The following STK32B variants were observed in gnomAD, a reference collection of about 807,000 sequenced individuals.
The protein encoded by STK32B is serine/threonine kinase 32B.
Under a neutral mutation model 52.6 loss-of-function variants are expected in STK32B, and 43 were observed. That is an observed-to-expected ratio of 0.82 (90% CI 0.64 to 1.05). The LOEUF (loss-of-function observed/expected upper bound fraction) is 1.05, where lower values mean the gene tolerates loss of function less well. Among genes scored for constraint, STK32B ranks in the 50% least tolerant of loss-of-function variants. The probability of loss-of-function intolerance (pLI) is 0.00; values close to 1 mark genes in which losing one functional copy is unlikely to be tolerated. For synonymous variants in STK32B, 238 were observed against 204.3 expected (o/e 1.17, Z -1.41); for missense variants, 621 against 534.6 (o/e 1.16, Z -1.59).
chr4:5,426,789 C>G (rs1713147804), intron 6 of STK32B: 1 of 149,782 alleles, frequency 6.7e-6, no homozygotes, highest in Non-Finnish European at 1.5e-5. Flanking sequence ...GATAGAATTC[C>G]TTTATCAGAT....
chr4:5,052,374 C>T (rs1277564760), intron 1 of STK32B, among the ~76,000 whole-genome samples: 4 of 152,098 alleles, frequency 2.6e-5, no homozygotes, highest in Non-Finnish European at 5.9e-5. Context: ...CGTGCAAGGG[C>T]CTGTTGGATG....
chr4:5,092,049 T>C (rs983529220), intron 1 of STK32B, among the ~76,000 whole-genome samples: 27 of 152,300 alleles, frequency 1.8e-4, no homozygotes, highest in African/African-American at 5.5e-4. Flanking sequence ...GGGAGTGGAA[T>C]TGAGAGTGAC....
chr4:5,288,815 T>C (rs1728708202), intron 3 of STK32B, among the ~76,000 whole-genome samples: 1 of 152,226 alleles, frequency 6.6e-6, no homozygotes, highest in Admixed American at 6.5e-5. Flanking sequence ...CTTGAAAACC[T>C]ACACCTATGT....
At chr4:5,369,572 G>A (rs2109009619) in intron 4 of STK32B, among the ~76,000 whole-genome samples, 1 of 152,266 alleles carries the variant, frequency 6.6e-6, no homozygotes, top group African/African-American at 2.4e-5. Context: ...CTTGGCTTCA[G>A]AAGGTGGGCG....
chr4:5,375,451 C>CT (rs916348004), intron 4 of STK32B, among the ~76,000 whole-genome samples: 10 of 152,266 alleles, frequency 6.6e-5, no homozygotes, highest in African/African-American at 2.2e-4. Context: ...ATCTCTGGGA[C>CT]TTTTTACCCT....
chr4:5,370,307 C>A (rs1047806012), intron 4 of STK32B, among the ~76,000 whole-genome samples: 3 of 152,150 alleles, frequency 2.0e-5, no homozygotes, highest in African/African-American at 7.2e-5. Context: ...TTGGTACCTG[C>A]CACATTGGAG....
intron 3 of STK32B, among the ~76,000 whole-genome samples, chr4:5,293,530 C>T (rs904231340): frequency 6.6e-6 from 1 of 152,178 alleles, no homozygotes; most frequent in Non-Finnish European, 1.5e-5. Flanking sequence ...TTGTATTTCT[C>T]TAATGACCAG....
chr4:5,491,107 T>C lies in STK32B; in HGVS notation c.1107-7838T>C, dbSNP rs149450745. On this transcript the variant is annotated intron_variant, in intron 11 of 11. Transcript: ENST00000282908. The stretch of plus-strand genomic sequence containing the variant: ...TATACCCAGTAATGGGATGGCTGGG[T>C]CAAATGGTATTTCCAGTTCTAGATT... 3.8e-3 allele frequency among the ~76,000 whole-genome samples: 580 copies of C among 152,308 alleles called. 8 individuals are homozygous for C. The highest frequency in any genetic ancestry group is 0.013 in the African/African-American group (547 of 41,570).
chr4:5,125,247 G>C (rs1426636338), intron 1 of STK32B, among the ~76,000 whole-genome samples: 2 of 152,176 alleles, frequency 1.3e-5, no homozygotes, highest in South Asian at 2.1e-4. Flanking sequence ...GAACCCTGTT[G>C]ATCCTGCTCA....
intron 7 of STK32B, among the ~76,000 whole-genome samples, chr4:5,455,036 C>CAAT (rs1387609885): frequency 6.6e-6 from 1 of 152,150 alleles, no homozygotes; most frequent in Non-Finnish European, 1.5e-5. Context: ...GGTCCTCACT[C>CAAT]AATTAACAGA....
intron 1 of STK32B, among the ~76,000 whole-genome samples, chr4:5,064,467 AAT>A (rs558728836): frequency 8.9e-4 from 77 of 86,048 alleles, no homozygotes; most frequent in African/African-American, 3.0e-3. Context: ...ATATACATAT[AAT>A]ATATAAATAT....
At chr4:5,275,191 C>G (rs1727732438) in intron 3 of STK32B, among the ~76,000 whole-genome samples, 1 of 152,116 alleles carries the variant, frequency 6.6e-6, no homozygotes, top group African/African-American at 2.4e-5. Flanking sequence ...AGCAAGGACC[C>G]CCCCAGTTAA....
intron 4 of STK32B, among the ~76,000 whole-genome samples, chr4:5,344,569 G>C (rs967850549): frequency 6.6e-6 from 1 of 152,030 alleles, no homozygotes; most frequent in Non-Finnish European, 1.5e-5. Context: ...TTCCAGTCTT[G>C]GGAAAATATC....
intron 5 of STK32B, among the ~76,000 whole-genome samples, chr4:5,412,639 G>A (rs1388452902): frequency 6.6e-6 from 1 of 152,252 alleles, no homozygotes. Flanking sequence ...ACTAGTGACT[G>A]GAACCTCAGG....
chr4:5,163,743 G>A (rs1718641779), intron 2 of STK32B, among the ~76,000 whole-genome samples: 1 of 152,210 alleles, frequency 6.6e-6, no homozygotes, highest in Non-Finnish European at 1.5e-5. Flanking sequence ...CCAGAGCAGA[G>A]GTGGGGTAGC....
chr4:5,409,448 A>ATACT (rs1240668989), intron 5 of STK32B, among the ~76,000 whole-genome samples: 1 of 152,178 alleles, frequency 6.6e-6, no homozygotes, highest in Non-Finnish European at 1.5e-5. Flanking sequence ...ATAGAAAGGA[A>ATACT]GTGTATTAGT....
intron 6 of STK32B, among the ~76,000 whole-genome samples, chr4:5,422,579 G>A (rs1340051837): frequency 6.6e-6 from 1 of 152,208 alleles, no homozygotes; most frequent in African/African-American, 2.4e-5. Flanking sequence ...CAGCAGCCAC[G>A]TGGGGCTTCA....
intron 4 of STK32B, among the ~76,000 whole-genome samples, chr4:5,352,240 A>G (rs145484140): frequency 3.7e-4 from 56 of 152,208 alleles, no homozygotes; most frequent in Non-Finnish European, 6.6e-4. Flanking sequence ...TCAAAAATTA[A>G]TCCACATGAT....
At chr4:5,301,651 GTTTCT>G (rs202023358) in intron 3 of STK32B, among the ~76,000 whole-genome samples, 3,621 of 124,294 alleles carry the variant, frequency 0.029, 136 homozygotes, top group African/African-American at 0.11. Flanking sequence ...AATAATTTGA[GTTTCT>G]TTTCTTTCTT....
Sources: gnomAD v4.1 joint callset for allele counts (sites outside exome capture counted in the v4.1 genomes callset) on GRCh38, gnomAD v4.1.1 for gene constraint, MANE v1.5 for transcripts, NCBI Gene and HGNC (gene_info 2026-07-23, HGNC 2026-07-21) for gene names.